The following ATP13A2 variants were observed in gnomAD, a reference collection of about 807,000 sequenced individuals.
ATP13A2 encodes the protein ATPase cation transporting 13A2, also known as polyamine-transporting ATPase 13A2.
A neutral mutation model predicts 138.3 loss-of-function variants in ATP13A2; 83 were observed. The ratio of observed to expected loss-of-function variants is 0.60; its 90% confidence interval spans 0.50 to 0.72. The LOEUF is 0.72. Ranked by LOEUF, ATP13A2 falls within the 30% of genes least tolerant of loss-of-function variation. ATP13A2 has a pLI of 0.00. For missense variants in ATP13A2, 1,402 were observed against 1,606.4 expected, an observed-to-expected ratio of 0.87 and a Z score of 2.17; for synonymous variants, 663 against 699.0, an observed-to-expected ratio of 0.95 and a Z score of 0.81.
chr1:17,004,606 G>T lies in ATP13A2; in HGVS notation c.477+86C>A. The T allele has an allele frequency of 6.2e-7, 1 of 1,610,020 alleles. No individual in the cohort carries two copies. Among genetic ancestry groups the T allele is most frequent in the Non-Finnish European group, 8.5e-7 (1 of 1,176,964 alleles). On this transcript the variant is annotated intron_variant, in intron 5 of 28. Coordinates refer to ENST00000326735, the MANE Select transcript of ATP13A2 (RefSeq NM_022089.4). The surrounding 1 kb of genome is among the most constrained non-coding windows in gnomAD (Gnocchi z 4.1). ...TTTGGGACAACAGAACTAAAAGGTGGTGGGAGAACATGAAGTCTGACTCTC... is the reference window on the plus strand; with the variant it reads ...TTTGGGACAACAGAACTAAAAGGTGTTGGGAGAACATGAAGTCTGACTCTC...
intron 12 of ATP13A2, 61 bp from the exon 13 acceptor site, chr1:16,996,557 C>T: frequency 7.6e-7 from 1 of 1,321,108 alleles, no homozygotes; most frequent in Admixed American, 1.7e-5. Flanking sequence ...CCTTCCCCAC[C>T]CCTAGCCCTC....
Position 17,000,494 on chromosome 1 carries a change from G to C in ATP13A2, c.746C>G (p.Ala249Gly). The C allele has an allele frequency of 6.2e-7, 1 of 1,614,098 alleles. No homozygotes were observed. The highest frequency in any genetic ancestry group is 1.6e-4 in the Middle Eastern group (1 of 6,062). The stretch of plus-strand genomic sequence containing the variant: ...GTAGTAGTGGTCAGCCAGCCACAGC[G>C]CGATGCTGAAGGCCTGGAACCCATA... The part of the protein sequence containing the change: ...PYYGFQAFSI[A>G]LWLADHYYWY... The change falls in exon 9 of 29, where the codon GCG becomes GGG. Residue 249 changes from alanine (A) to glycine (G), a missense_variant. Ala to Gly is a moderately conservative substitution (Grantham distance 60). Transcript: ENST00000326735.
At chr1:16,989,830 G>A in intron 22 of ATP13A2, 57 bp downstream of exon 22, 1 of 1,611,796 alleles carries the variant, frequency 6.2e-7, no homozygotes, top group Non-Finnish European at 8.5e-7. Flanking sequence ...CGAGCCGTGA[G>A]GAAGGAGACA....
In ATP13A2 at chr1:17,000,880, TGCAGTGA is replaced by T. The variant is rs2077329709; in HGVS notation, c.706-353_706-347del. On this transcript the variant is annotated intron_variant, in intron 8 of 28. Coordinates refer to ENST00000326735, the MANE Select transcript of ATP13A2 (RefSeq NM_022089.4). ...TCACTTAAGCTGGGGAGGTGGAGGG[TGCAGTGA>T]GCTGAGATCGCGCCACTGCACTCCA... 8 of 283,108 alleles carry T rather than the reference TGCAGTGA, an allele frequency of 2.8e-5. No homozygotes were observed. In the East Asian group the frequency reaches 6.2e-4, roughly 22 times the overall value. The allele number at this position is 283,108 out of a possible 1,614,324, so 17.5% of individuals were successfully genotyped here.
rs2077109021 is a variant in ATP13A2, at chr1:16,996,072, G to A, written c.1446C>T (p.Leu482=). ...ALPAAMTVCT[L]YAQSRLRRQG... is the part of the protein sequence containing the mutation. ...GTCTCCGCAGTCGGCTCTGGGCGTA[G>A]AGCGTGCACACAGTCATGGCAGCAG... Residue 482 remains leucine, a synonymous_variant, in exon 15 of 29, where the codon CTC becomes CTT. Transcript: ENST00000326735. 3 of 1,614,006 alleles carry A rather than the reference G, an allele frequency of 1.9e-6. No homozygotes were observed. The highest frequency in any genetic ancestry group is 1.7e-5 in the Admixed American group (1 of 60,014).
At chr1:16,991,101 C>G (rs550735667) in intron 20 of ATP13A2, among the ~76,000 whole-genome samples, 1 of 152,198 alleles carries the variant, frequency 6.6e-6, no homozygotes, top group East Asian at 1.9e-4. Flanking sequence ...AGGCATCCAC[C>G]ACCATACCTG....
intron 8 of ATP13A2, chr1:17,000,747 GC>G: frequency 1.6e-6 from 1 of 628,648 alleles, no homozygotes; most frequent in Non-Finnish European, 2.7e-6. Context: ...TTTATGACCA[GC>G]CTGGGCAACA....
Position 17,011,632 on chromosome 1 carries a change from T to TG in ATP13A2, c.10+96dup. Reference sequence around the variant, plus strand: ...GCTTCCTGGGCTCGCGACCCCGCGGTGGGGGGCGTCGCCTCCCCTCTCCCT... The same window carrying TG: ...GCTTCCTGGGCTCGCGACCCCGCGGTGGGGGGGCGTCGCCTCCCCTCTCCCT... On this transcript the variant is annotated intron_variant, in intron 1 of 28. Transcript: ENST00000326735. The surrounding 1 kb of genome is among the most constrained non-coding windows in gnomAD (Gnocchi z 7.3). 2 of 1,367,068 alleles carry TG rather than the reference T, an allele frequency of 1.5e-6. No individual in the cohort carries two copies. The highest frequency in any genetic ancestry group is 1.9e-6 in the Non-Finnish European group (2 of 1,051,964). The allele number at this position is 1,367,068 out of a possible 1,614,324, so 84.7% of individuals were successfully genotyped here.
At chr1:17,008,870 G>A (rs1268733468) in intron 1 of ATP13A2, among the ~76,000 whole-genome samples, 11 of 151,894 alleles carry the variant, frequency 7.2e-5, no homozygotes, top group East Asian at 1.9e-4. Flanking sequence ...AGGCTGAGGC[G>A]GGAGAATGGT....
intron 6 of ATP13A2, 41 bp from the exon 7 acceptor site, chr1:17,002,414 C>T: frequency 6.3e-7 from 1 of 1,596,440 alleles, no homozygotes; most frequent in East Asian, 2.3e-5. Context: ...GCCATGGGGC[C>T]TGAGGTCTGC....
At chr1:16,988,836 G>A (rs1441121195) in intron 23 of ATP13A2, among the ~76,000 whole-genome samples, 1 of 152,064 alleles carries the variant, frequency 6.6e-6, no homozygotes, top group African/African-American at 2.4e-5. Flanking sequence ...GTTTCACCAT[G>A]TTGGCCAGGC....
intron 10 of ATP13A2, 35 bp downstream of exon 10, chr1:17,000,211 C>T (rs1459003188): frequency 6.8e-7 from 1 of 1,480,342 alleles, no homozygotes; most frequent in Non-Finnish European, 9.0e-7. Context: ...CACCCTCCCA[C>T]TCCTGCCCCC....
chr1:17,002,249 C>T (rs1426118002), intron 7 of ATP13A2, 47 bp downstream of exon 7: 4 of 1,599,628 alleles, frequency 2.5e-6, no homozygotes, highest in African/African-American at 1.3e-5. Context: ...GGGGGCAACA[C>T]AAGGAGCCCC....
At position 16,986,033 on chromosome 1, in the gene ATP13A2, C is replaced by T. The variant is rs775411172; in HGVS notation, c.*188G>A. 2.5e-5 allele frequency: 36 copies of T among 1,467,936 alleles called. No homozygotes were observed. Among genetic ancestry groups the T allele is most frequent in the East Asian group, 5.0e-5 (2 of 40,126 alleles). 90.9% of individuals were successfully genotyped at this position (1,467,936 alleles called of 1,614,324 possible). A position where few individuals can be genotyped will look rare whatever the true frequency, so the allele number is the denominator to read the frequency against. Reference sequence around the variant, plus strand: ...GGAGCTGGGGGCTGCCACCCCTACGCGGGATGGTCCAAGGTAGGGGACAGT... The same window carrying T: ...GGAGCTGGGGGCTGCCACCCCTACGTGGGATGGTCCAAGGTAGGGGACAGT... On this transcript the variant is annotated 3_prime_UTR_variant, in exon 29 of 29. Coordinates refer to ENST00000326735, the MANE Select transcript of ATP13A2 (RefSeq NM_022089.4). This position sits in a 1 kb window ranked among gnomAD's most constrained non-coding sequence, Gnocchi z 6.9.
chr1:16,989,987 G>C lies in ATP13A2; in HGVS notation c.2429C>G (p.Ala810Gly). ...VNGVKDPDQA[A>G]SYTVEPDPRS... ...GGGGTCTGGCTCCACGGTGTAGCTT[G>C]CAGCCTGGTCAGGATCCTGGGGGCC... is the stretch of plus-strand genomic sequence containing the variant. The change falls in exon 22 of 29, where the codon GCA becomes GGA. Residue 810 changes from alanine to glycine, a missense_variant. Coordinates refer to ENST00000326735, the MANE Select transcript of ATP13A2 (RefSeq NM_022089.4). 6.2e-7 allele frequency: 1 copy of C among 1,611,322 alleles called. No individual in the cohort carries two copies. The highest frequency in any genetic ancestry group is 2.2e-5 in the East Asian group (1 of 44,792).
At position 16,988,361 on chromosome 1, in the gene ATP13A2, G is replaced by A. The variant is rs763069105; in HGVS notation, c.2723C>T (p.Ser908Leu). 85 of 1,614,048 alleles carry A rather than the reference G, an allele frequency of 5.3e-5. 1 individual carries two copies. In the Admixed American group the frequency reaches 1.2e-3, roughly 23 times the overall value. The change falls in exon 24 of 29, where the codon TCG (serine) becomes TTG (leucine). Residue 908 changes from serine to leucine, a missense_variant. Transcript: ENST00000326735. ...CACGCACTCAATACTGGCCATGCTC[G>A]AGGTGAAGGGTGAGACCACTGAGGC... ...AEASVVSPFT[S>L]SMASIECVPM... is the part of the protein sequence containing the mutation.
In ATP13A2 at chr1:17,011,595, C is replaced by T; in HGVS notation, c.10+134G>A. On this transcript the variant is annotated intron_variant, in intron 1 of 28. Coordinates refer to ENST00000326735, the MANE Select transcript of ATP13A2 (RefSeq NM_022089.4). This position sits in a 1 kb window ranked among gnomAD's most constrained non-coding sequence, Gnocchi z 7.3. ...AAGGGAGGGGACGGGCCAGGATCCC[C>T]AACCAGGTCCCGCTTCCTGGGCTCG... 1.7e-6 allele frequency: 2 copies of T among 1,184,566 alleles called. No homozygotes were observed. Among genetic ancestry groups the T allele is most frequent in the Non-Finnish European group, 2.2e-6 (2 of 908,686 alleles). 73.4% of individuals were successfully genotyped at this position (1,184,566 alleles called of 1,614,324 possible).
intron 6 of ATP13A2, among the ~76,000 whole-genome samples, chr1:17,003,666 CTT>C (rs71006407): frequency 0.52 from 67,150 of 129,716 alleles, 17,695 homozygotes; most frequent in East Asian, 0.71. Context: ...GTTTCTTTTT[CTT>C]TTTTTTTTTT....
rs1240469429 is a variant in ATP13A2 at position 16,987,072 on chromosome 1, G to GC, written c.3056dup (p.Tyr1020LeufsTer94). On this transcript the variant is annotated frameshift_variant, in exon 26 of 29. Transcript: ENST00000326735. LOFTEE classifies it high-confidence loss of function. ...ATGGCTGGGCCAGGGTCAGGAAGTA[G>GC]CCCCCTAGCTGCACGCCGGTCACCA... 6.2e-7 allele frequency: 1 copy of GC among 1,613,260 alleles called. No individual in the cohort carries two copies. Among genetic ancestry groups the GC allele is most frequent in the Non-Finnish European group, 8.5e-7 (1 of 1,179,952 alleles).
Sources: gnomAD v4.1 joint callset for allele counts (sites outside exome capture counted in the v4.1 genomes callset) on GRCh38, gnomAD v4.1.1 for gene constraint, Gnocchi (gnomAD v3.1) non-coding constraint, MANE v1.5 for transcripts, NCBI Gene and HGNC (gene_info 2026-07-23, HGNC 2026-07-21) for gene names.